HPCAL1: variants seen among roughly 807,000 people sequenced by gnomAD.
HPCAL1 encodes hippocalcin-like protein 1.
HPCAL1 carries 8 observed loss-of-function variants against 17.1 expected under a neutral mutation model. That is an observed-to-expected ratio of 0.47 (90% confidence interval 0.27 to 0.84). The LOEUF is 0.84. Among genes scored for constraint, HPCAL1 ranks in the 40% least tolerant of loss-of-function variants. The pLI, the probability that HPCAL1 is intolerant of heterozygous loss-of-function variation, is 0.13. For synonymous variants in HPCAL1, 112 were observed against 111.4 expected, an observed-to-expected ratio of 1.01 and a Z score of -0.03; for missense variants, 165 against 271.1, an observed-to-expected ratio of 0.61 and a Z score of 2.75.
rs536206879 is a variant in HPCAL1, at chr2:10,396,512, C to T, written c.-110-323C>T. 6.6e-5 allele frequency among the ~76,000 whole-genome samples: 10 copies of T among 152,292 alleles called. No individual in the cohort carries two copies. In the East Asian group the frequency reaches 1.9e-3, roughly 29 times the overall value. On this transcript the variant is annotated intron_variant, in intron 1 of 4. Coordinates refer to ENST00000307845, the MANE Select transcript of HPCAL1 (RefSeq NM_002149.4). ...GGGATTTGAACCTGAGTTTGTGGAC[C>T]ACAGAGGTCCCGGCCACACTTAGTT...
Position 10,354,471 on chromosome 2 carries a change from CA to C in HPCAL1, c.-110-42361del, listed in dbSNP as rs1474329766. On this transcript the variant is annotated intron_variant, in intron 1 of 4. Transcript: ENST00000307845. The surrounding 1 kb of genome is among the most constrained non-coding windows in gnomAD (Gnocchi z 5.1). Reference sequence around the variant, plus strand: ...GGGCTGAAACCAATGTCGACTTGGCCAAATTAAGGCCACGGTCTTGGTCAGC... The same window carrying C: ...GGGCTGAAACCAATGTCGACTTGGCCAATTAAGGCCACGGTCTTGGTCAGC... The C allele has an allele frequency of 6.6e-6, 1 of 152,188 alleles. No homozygotes were observed. The highest frequency in any genetic ancestry group is 2.4e-5 in the African/African-American group (1 of 41,434). 9.4% of individuals were successfully genotyped at this position (152,188 alleles called of 1,614,324 possible).
At chr2:10,423,171 G>A (rs2270305) in intron 4 of HPCAL1, 83 bp downstream of exon 4, 191,411 of 1,039,494 alleles carry the variant, frequency 0.18, 18,411 homozygotes, top group African/African-American at 0.24. Context: ...CCTCCCCTCT[G>A]CAGCTTCTTG....
In HPCAL1 at chr2:10,304,901, T is replaced by C. The variant is rs1662521223; in HGVS notation, c.-111+1724T>C. On this transcript the variant is annotated intron_variant, in intron 1 of 4. Coordinates refer to ENST00000307845, the MANE Select transcript of HPCAL1 (RefSeq NM_002149.4). The surrounding 1 kb of genome is among the most constrained non-coding windows in gnomAD (Gnocchi z 4.1). ...GGGGACAGCATGGGCGGCCTTTTGG[T>C]ATGGATGCGCTTCCCAACTGTCAGG... Among the ~76,000 whole-genome samples, 1 of 152,114 alleles carries C rather than the reference T, an allele frequency of 6.6e-6. No individual in the cohort carries two copies. Among genetic ancestry groups the C allele is most frequent in the Admixed American group, 6.6e-5 (1 of 15,258 alleles).
In HPCAL1 at chr2:10,331,105, T is replaced by C. The variant is rs1006215520; in HGVS notation, c.-111+27928T>C. On this transcript the variant is annotated intron_variant, in intron 1 of 4. Coordinates refer to ENST00000307845, the MANE Select transcript of HPCAL1 (RefSeq NM_002149.4). The surrounding 1 kb of genome is among the most constrained non-coding windows in gnomAD (Gnocchi z 5.0). ...CTCTCCCGGCTGCAGGAGCGGTTTCTCTAAGCCTTGCAAGTGACCGCACCC... is the reference window on the plus strand; with the variant it reads ...CTCTCCCGGCTGCAGGAGCGGTTTCCCTAAGCCTTGCAAGTGACCGCACCC... Among the ~76,000 whole-genome samples, 2 of 152,160 alleles carry C rather than the reference T, an allele frequency of 1.3e-5. No individual in the cohort carries two copies. Among genetic ancestry groups the C allele is most frequent in the East Asian group, 1.9e-4 (1 of 5,192 alleles).
intron 3 of HPCAL1, among the ~76,000 whole-genome samples, chr2:10,421,369 G>C (rs1370673434): frequency 6.6e-6 from 1 of 152,176 alleles, no homozygotes; most frequent in African/African-American, 2.4e-5. Context: ...GAGCAGAGCT[G>C]CCCCTCCCTG....
chr2:10,334,071 C>T (rs1338044268), intron 1 of HPCAL1, among the ~76,000 whole-genome samples: 1 of 152,224 alleles, frequency 6.6e-6, no homozygotes, highest in African/African-American at 2.4e-5. Context: ...TTTCTTTCCC[C>T]AGTGACCAAT....
chr2:10,334,957 C>T (rs1664627611), intron 1 of HPCAL1, among the ~76,000 whole-genome samples: 1 of 152,208 alleles, frequency 6.6e-6, no homozygotes, highest in African/African-American at 2.4e-5. Flanking sequence ...GGATTACAGG[C>T]GTGAGCCACT....
chr2:10,317,957 A>C (rs1663425940), intron 1 of HPCAL1, among the ~76,000 whole-genome samples: 1 of 152,230 alleles, frequency 6.6e-6, no homozygotes. Context: ...GAGTGGGCAC[A>C]TGCCTTGTTG....
intron 1 of HPCAL1, among the ~76,000 whole-genome samples, chr2:10,315,251 C>T (rs1219354941): frequency 6.6e-6 from 1 of 151,560 alleles, no homozygotes. Context: ...CGAGATCGCG[C>T]CACTGCACTC....
At chr2:10,418,378 G>C (rs527281981) in intron 2 of HPCAL1, among the ~76,000 whole-genome samples, 1 of 141,862 alleles carries the variant, frequency 7.0e-6, no homozygotes, top group Non-Finnish European at 1.5e-5. Flanking sequence ...AGGTTGCAGT[G>C]AGCCGAGATC....
In HPCAL1 at chr2:10,377,844, G is replaced by T. The variant is rs564072251; in HGVS notation, c.-110-18991G>T. Among the ~76,000 whole-genome samples, 1 of 152,196 alleles carries T rather than the reference G, an allele frequency of 6.6e-6. No individual in the cohort carries two copies. Among genetic ancestry groups the T allele is most frequent in the Non-Finnish European group, 1.5e-5 (1 of 68,026 alleles). ...TGAGCCACCGAGGGGGGCCAGGCAC[G>T]GGGGAGGGTATTCAAGGGCGGCAAG... On this transcript the variant is annotated intron_variant, in intron 1 of 4. Transcript: ENST00000307845. This position sits in a 1 kb window ranked among gnomAD's most constrained non-coding sequence, Gnocchi z 5.9.
chr2:10,306,922 C>T (rs1662663580), intron 1 of HPCAL1, among the ~76,000 whole-genome samples: 1 of 152,240 alleles, frequency 6.6e-6, no homozygotes, highest in East Asian at 1.9e-4. Context: ...CCACCCTCCT[C>T]TGCCAGCAGC....
rs1188720764 is a variant in HPCAL1 at position 10,384,194 on chromosome 2, G to A, written c.-110-12641G>A. ...CTCCCTCAGGGTGGGGACAAGGTGA[G>A]GGAGGTGGCGGCCCGGCAGGAAGGT... On this transcript the variant is annotated intron_variant, in intron 1 of 4. Coordinates refer to ENST00000307845, the MANE Select transcript of HPCAL1 (RefSeq NM_002149.4). This position sits in a 1 kb window ranked among gnomAD's most constrained non-coding sequence, Gnocchi z 4.4. 2.0e-5 allele frequency among the ~76,000 whole-genome samples: 3 copies of A among 152,122 alleles called. No homozygotes were observed. Among genetic ancestry groups the A allele is most frequent in the Admixed American group, 1.3e-4 (2 of 15,280 alleles).
At chr2:10,341,567 G>A (rs1041257209) in intron 1 of HPCAL1, among the ~76,000 whole-genome samples, 1 of 152,070 alleles carries the variant, frequency 6.6e-6, no homozygotes, top group Non-Finnish European at 1.5e-5. Context: ...GGGAAGAGAC[G>A]GGGGTCTTTA....
chr2:10,325,344 T>C (rs1663942629), intron 1 of HPCAL1, among the ~76,000 whole-genome samples: 1 of 152,072 alleles, frequency 6.6e-6, no homozygotes, highest in African/African-American at 2.4e-5. Flanking sequence ...CCCATTTAAG[T>C]TTACTTATTT....
At position 10,377,458 on chromosome 2, in the gene HPCAL1, T is replaced by G. The variant is rs1482932126; in HGVS notation, c.-110-19377T>G. The stretch of plus-strand genomic sequence containing the variant: ...ACAACTCTCACTCGCCGCGGGCACC[T>G]GCTGTGCCCACCTGCTGCCATCTGA... On this transcript the variant is annotated intron_variant, in intron 1 of 4. Coordinates refer to ENST00000307845, the MANE Select transcript of HPCAL1 (RefSeq NM_002149.4). This position sits in a 1 kb window ranked among gnomAD's most constrained non-coding sequence, Gnocchi z 5.9. Among the ~76,000 whole-genome samples, 1 of 152,234 alleles carries G rather than the reference T, an allele frequency of 6.6e-6. No individual in the cohort carries two copies. The highest frequency in any genetic ancestry group is 1.5e-5 in the Non-Finnish European group (1 of 68,036).
In HPCAL1 at chr2:10,317,706, C is replaced by T. The variant is rs891231131; in HGVS notation, c.-111+14529C>T. 5.3e-5 allele frequency among the ~76,000 whole-genome samples: 8 copies of T among 152,234 alleles called. No individual in the cohort carries two copies. The East Asian group carries it at 1.2e-3, about 22-fold the overall frequency. Reference sequence around the variant, plus strand: ...GTGCTGGGATTACAGGTGTAAACCACCATGCTCGGCCTCAACAATTATTAT... The same window carrying T: ...GTGCTGGGATTACAGGTGTAAACCATCATGCTCGGCCTCAACAATTATTAT... On this transcript the variant is annotated intron_variant, in intron 1 of 4. Transcript: ENST00000307845.
rs1666559988 is a variant in HPCAL1, at chr2:10,362,133, G to A, written c.-110-34702G>A. ...CAAGATCACTTAGCTAGTAAGTGAT[G>A]GGCAGGGCTGTGGAGCTGGTTCACT... On this transcript the variant is annotated intron_variant, in intron 1 of 4. Coordinates refer to ENST00000307845, the MANE Select transcript of HPCAL1 (RefSeq NM_002149.4). This position sits in a 1 kb window ranked among gnomAD's most constrained non-coding sequence, Gnocchi z 5.0. 6.6e-6 allele frequency among the ~76,000 whole-genome samples: 1 copy of A among 152,218 alleles called. No individual in the cohort carries two copies. The highest frequency in any genetic ancestry group is 2.4e-5 in the African/African-American group (1 of 41,456).
intron 1 of HPCAL1, among the ~76,000 whole-genome samples, chr2:10,360,880 C>T (rs1489662889): frequency 2.6e-5 from 4 of 151,696 alleles, no homozygotes; most frequent in East Asian, 1.9e-4. Context: ...GCTCCATCCT[C>T]CCCTGCTTTC....
Sources: allele counts gnomAD v4.1 joint callset (sites outside exome capture counted in the v4.1 genomes callset), GRCh38; gene constraint gnomAD v4.1.1; non-coding constraint Gnocchi (gnomAD v3.1); transcripts MANE v1.5; gene names NCBI Gene and HGNC (gene_info 2026-07-23, HGNC 2026-07-21).